The following CYP3A5 variants were observed in gnomAD, a reference collection of about 807,000 sequenced individuals.
CYP3A5 encodes the protein cytochrome P450 3A5.
CYP3A5 carries 51 observed loss-of-function variants against 55.9 expected under a neutral mutation model. That is an observed-to-expected ratio of 0.91 (90% confidence interval 0.73 to 1.15). CYP3A5 has a LOEUF of 1.15. Among genes scored for constraint, CYP3A5 ranks in the 50% most tolerant of loss-of-function variants. The pLI is 0.00. For synonymous variants in CYP3A5, 196 were observed against 213.9 expected (o/e 0.92, Z 0.73); for missense variants, 533 against 596.6 (o/e 0.89, Z 1.11).
intron 5 of CYP3A5, 121 bp downstream of exon 5, chr7:99,666,831 C>A: frequency 1.9e-6 from 3 of 1,576,788 alleles, no homozygotes; most frequent in Non-Finnish European, 2.6e-6. Context: ...AGATAAAAGA[C>A]CATTTTTAGG....
intron 10 of CYP3A5, among the ~76,000 whole-genome samples, chr7:99,656,978 T>C (rs1809806470): frequency 6.6e-6 from 1 of 152,210 alleles, no homozygotes; most frequent in Non-Finnish European, 1.5e-5. Context: ...TCTTTTCTTC[T>C]TTATTAGTCT....
chr7:99,652,865 A>T, intron 10 of CYP3A5, 86 bp from the exon 11 acceptor site: 1 of 961,580 alleles, frequency 1.0e-6, no homozygotes, highest in Non-Finnish European at 1.6e-6. Context: ...AAGTATTAGA[A>T]GCTCCAGAGA....
Position 99,667,054 on chromosome 7 carries a change from T to C in CYP3A5, c.330A>G (p.Pro110=), listed in dbSNP as rs1425812768. The C allele has an allele frequency of 6.2e-7, 1 of 1,613,986 alleles. No individual in the cohort carries two copies. Among genetic ancestry groups the C allele is most frequent in the South Asian group, 1.1e-5 (1 of 91,068 alleles). The change falls in exon 5 of 13, where the codon CCA becomes CCG. Residue 110 remains proline, a synonymous_variant. Coordinates refer to ENST00000222982, the MANE Select transcript of CYP3A5 (RefSeq NM_000777.5). The part of the protein sequence containing the change: ...SVFTNRRSLG[P]VGFMKSAISL... ...AGATGGCACTTTTCATAAATCCCACTGGGCCTAAAGACTAGAGTTCAACAG... is the reference window on the plus strand; with the variant it reads ...AGATGGCACTTTTCATAAATCCCACCGGGCCTAAAGACTAGAGTTCAACAG...
intron 10 of CYP3A5, among the ~76,000 whole-genome samples, chr7:99,658,576 C>T (rs558407442): frequency 5.3e-5 from 8 of 152,150 alleles, no homozygotes; most frequent in Non-Finnish European, 7.4e-5. Flanking sequence ...TTGCTCTTCT[C>T]GAGGAGTATC....
intron 4 of CYP3A5, 92 bp downstream of exon 4, chr7:99,672,488 T>C: frequency 1.8e-6 from 2 of 1,127,356 alleles, no homozygotes; most frequent in Non-Finnish European, 2.7e-6. Context: ...GTACATTTTT[T>C]AGGTAACCTT....
intron 6 of CYP3A5, 44 bp downstream of exon 6, chr7:99,666,557 G>T: frequency 6.3e-7 from 1 of 1,592,928 alleles, no homozygotes; most frequent in African/African-American, 1.3e-5. Context: ...GCAGCTGGAA[G>T]GGCTCATGAC....
Position 99,674,539 on chromosome 7 carries a change from AT to A in CYP3A5, c.211del (p.Met71CysfsTer19). 1 of 1,613,648 alleles carries A rather than the reference AT, an allele frequency of 6.2e-7. No homozygotes were observed. The highest frequency in any genetic ancestry group is 1.1e-5 in the South Asian group (1 of 91,020). On this transcript the variant is annotated frameshift_variant, in exon 3 of 13. Transcript: ENST00000222982. LOFTEE classifies it high-confidence loss of function. ...AGGTTTTCAGAATACTCACCCCCAC[AT>A]TTTTCCATACTTTTTATAGCACTCT... Reference protein sequence around the residue: ...DTECYKKYGKMWGTYEGQLPV... With the variant: ...DTECYKKYGKXWGTYEGQLPV...
chr7:99,667,649 CTT>C (rs1811173516), intron 4 of CYP3A5, among the ~76,000 whole-genome samples: 1 of 152,160 alleles, frequency 6.6e-6, no homozygotes, highest in Admixed American at 6.5e-5. Flanking sequence ...GGGATAATTA[CTT>C]TTCCCAACTT....
chr7:99,667,026 A>G lies in CYP3A5; in HGVS notation c.358T>C (p.Leu120=). 1 of 1,614,136 alleles carries G rather than the reference A, an allele frequency of 6.2e-7. No homozygotes were observed. The highest frequency in any genetic ancestry group is 8.5e-7 in the Non-Finnish European group (1 of 1,179,996). Residue 120 remains leucine (L), a synonymous_variant, in exon 5 of 13, where the codon TTA becomes CTA. Transcript: ENST00000222982. ...CTCTTCCATTCTTCATCCTCAGCTAAAGAGATGGCACTTTTCATAAATCCC... is the reference window on the plus strand; with the variant it reads ...CTCTTCCATTCTTCATCCTCAGCTAGAGAGATGGCACTTTTCATAAATCCC... ...PVGFMKSAIS[L]AEDEEWKRIR...
chr7:99,670,743 T>C (rs549971962), intron 4 of CYP3A5, among the ~76,000 whole-genome samples: 19 of 152,314 alleles, frequency 1.2e-4, no homozygotes, highest in African/African-American at 4.3e-4. Flanking sequence ...ATTTGTGAGC[T>C]ACTATTTTCA....
At chr7:99,671,787 CA>C (rs1563000763) in intron 4 of CYP3A5, 14 of 702,428 alleles carry the variant, frequency 2.0e-5, no homozygotes, top group Non-Finnish European at 3.4e-5. Context: ...GAGAAAAAGA[CA>C]AACTCCATGT....
At chr7:99,649,879 CT>C (rs28365093) in intron 12 of CYP3A5, among the ~76,000 whole-genome samples, 193 bp downstream of exon 12, 4,466 of 152,270 alleles carry the variant, frequency 0.029, 210 homozygotes, top group African/African-American at 0.1. Flanking sequence ...TCTGTGTGGA[CT>C]TTACATGATG....
Position 99,665,149 on chromosome 7 carries a change from A to C in CYP3A5, c.670+17T>G. 1.3e-6 allele frequency: 2 copies of C among 1,569,128 alleles called. No individual in the cohort carries two copies. The highest frequency in any genetic ancestry group is 1.7e-6 in the Non-Finnish European group (2 of 1,154,168). On this transcript the variant is annotated intron_variant, in intron 7 of 12. Transcript: ENST00000222982. ...AGTTATTTTTAAAAAGAGAGAAAGAAATAATAGCCCACATACTTATTGAGA... is the reference window on the plus strand; with the variant it reads ...AGTTATTTTTAAAAAGAGAGAAAGACATAATAGCCCACATACTTATTGAGA...
intron 4 of CYP3A5, chr7:99,671,630 A>G (rs1025005158): frequency 6.7e-5 from 38 of 564,516 alleles, no homozygotes; most frequent in African/African-American, 4.7e-4. Flanking sequence ...GTGTTAAACT[A>G]TATAACTCTT....
rs1298397471 is a variant in CYP3A5, at chr7:99,652,772, G to A, written c.1034C>T (p.Pro345Leu). 9 of 1,611,686 alleles carry A rather than the reference G, an allele frequency of 5.6e-6. No individual in the cohort carries two copies. In the East Asian group the frequency reaches 8.9e-5, roughly 16 times the overall value. Reference sequence around the variant, plus strand: ...CATCTGTACCACGGCATCATAGGTAGGTGGTGCCTGGAAGGAAAGAAACAG... The same window carrying A: ...CATCTGTACCACGGCATCATAGGTAAGTGGTGCCTGGAAGGAAAGAAACAG... ...IDAVLPNKAP[P>L]TYDAVVQMEY... The change falls in exon 11 of 13, where the codon CCT (proline) becomes CTT (leucine). Residue 345 changes from proline to leucine, a missense_variant. By Grantham distance (98) the Pro-to-Leu change is moderately conservative. Coordinates refer to ENST00000222982, the MANE Select transcript of CYP3A5 (RefSeq NM_000777.5).
At chr7:99,667,774 AAGAG>A (rs2151428588) in intron 4 of CYP3A5, among the ~76,000 whole-genome samples, 1 of 152,324 alleles carries the variant, frequency 6.6e-6, no homozygotes, top group South Asian at 2.1e-4. Flanking sequence ...ATAAACTAGG[AAGAG>A]AGAGACAGTT....
chr7:99,648,579 A>G (rs1305990337), intron 12 of CYP3A5, among the ~76,000 whole-genome samples, 179 bp from the exon 13 acceptor site: 1 of 152,172 alleles, frequency 6.6e-6, no homozygotes, highest in Non-Finnish European at 1.5e-5. Flanking sequence ...CTGGATAGTA[A>G]AAGCACTCAC....
chr7:99,648,293 C>T lies in CYP3A5; in HGVS notation c.*12G>A. The T allele has an allele frequency of 1.2e-6, 2 of 1,608,434 alleles. No individual in the cohort carries two copies. Among genetic ancestry groups the T allele is most frequent in the South Asian group, 1.1e-5 (1 of 89,736 alleles). ...CTTTCTTGAAGACCAAAGTAGAAAT[C>T]CTTAGAATAACTCATTCTCCACTTA... On this transcript the variant is annotated 3_prime_UTR_variant, in exon 13 of 13. Transcript: ENST00000222982.
Position 99,666,669 on chromosome 7 carries a change from C to T in CYP3A5, c.453G>A (p.Gln151=). ...KLKEMFPIIA[Q]YGDVLVRNLR... ...AGTTTCTCACCAATACATCTCCATA[C>T]TGGGCAATGATGGGGAACATCTAAG... Residue 151 remains glutamine, a synonymous_variant, in exon 6 of 13, where the codon CAG becomes CAA. Coordinates refer to ENST00000222982, the MANE Select transcript of CYP3A5 (RefSeq NM_000777.5). 6.2e-7 allele frequency: 1 copy of T among 1,614,112 alleles called. No homozygotes were observed. The highest frequency in any genetic ancestry group is 1.7e-5 in the Admixed American group (1 of 60,032).
Sources: gnomAD v4.1 joint callset for allele counts (sites outside exome capture counted in the v4.1 genomes callset) on GRCh38, gnomAD v4.1.1 for gene constraint, MANE v1.5 for transcripts, NCBI Gene and HGNC (gene_info 2026-07-23, HGNC 2026-07-21) for gene names.